LYPD6: variants seen among roughly 807,000 people sequenced by gnomAD.
LYPD6 encodes LY6/PLAUR domain containing 6, also known as ly6/PLAUR domain-containing protein 6.
LYPD6 carries 15 observed loss-of-function variants against 22.7 expected under a neutral mutation model. The observed-to-expected ratio is 0.66, with a 90% CI of 0.44 to 1.02. The LOEUF (loss-of-function observed/expected upper bound fraction) is 1.02. Among genes scored for constraint, LYPD6 ranks in the 50% least tolerant of loss-of-function variants. The pLI is 0.00. For missense variants in LYPD6, 189 were observed against 208.4 expected, an observed-to-expected ratio of 0.91 and a Z score of 0.57; for synonymous variants, 72 against 77.5, an observed-to-expected ratio of 0.93 and a Z score of 0.37.
chr2:149,460,716 A>G (rs146943343), intron 3 of LYPD6, among the ~76,000 whole-genome samples: 3 of 152,248 alleles, frequency 2.0e-5, no homozygotes, highest in Non-Finnish European at 4.4e-5. Context: ...ACACATACCA[A>G]AATAAACTAT....
chr2:149,446,562 A>G (rs1209387225), intron 2 of LYPD6, among the ~76,000 whole-genome samples: 1 of 152,226 alleles, frequency 6.6e-6, no homozygotes, highest in Admixed American at 6.5e-5. Context: ...TCACAATTAT[A>G]TGACATTTTC....
At chr2:149,403,338 G>T (rs1682607680) in intron 1 of LYPD6, among the ~76,000 whole-genome samples, 1 of 150,382 alleles carries the variant, frequency 6.6e-6, no homozygotes, top group Admixed American at 6.6e-5. Flanking sequence ...CTAGTTTACA[G>T]TCCCACCAAC....
intron 3 of LYPD6, chr2:149,464,087 A>G: frequency 2.4e-6 from 1 of 415,064 alleles, no homozygotes; most frequent in South Asian, 1.8e-5. Flanking sequence ...GGGAATCTAC[A>G]GTTATCTCAA....
At chr2:149,378,910 G>A (rs1042490728) in intron 1 of LYPD6, among the ~76,000 whole-genome samples, 5 of 152,092 alleles carry the variant, frequency 3.3e-5, no homozygotes, top group African/African-American at 9.7e-5. Flanking sequence ...GTCCTTGACC[G>A]GAATATAGAT....
intron 3 of LYPD6, among the ~76,000 whole-genome samples, chr2:149,463,490 A>T (rs1197509847): frequency 1.3e-5 from 2 of 152,204 alleles, no homozygotes; most frequent in Non-Finnish European, 2.9e-5. Context: ...TTAAACAACT[A>T]AACATGCAAC....
At chr2:149,335,589 T>C (rs1032974875) in intron 1 of LYPD6, among the ~76,000 whole-genome samples, 2 of 152,144 alleles carry the variant, frequency 1.3e-5, no homozygotes, top group Non-Finnish European at 2.9e-5. Flanking sequence ...AGCCTAAATG[T>C]AGTATTTATA....
chr2:149,432,501 G>A (rs753958432), intron 1 of LYPD6, among the ~76,000 whole-genome samples: 12 of 152,172 alleles, frequency 7.9e-5, no homozygotes, highest in Non-Finnish European at 1.8e-4. Context: ...GCGTAGGGGA[G>A]GGAGGGAGTT....
chr2:149,456,888 T>G (rs770340672), intron 3 of LYPD6, among the ~76,000 whole-genome samples: 2 of 152,238 alleles, frequency 1.3e-5, no homozygotes, highest in Non-Finnish European at 2.9e-5. Flanking sequence ...AGTGGAATCA[T>G]GCAGTATAAC....
rs1322919434 is a variant in LYPD6, at chr2:149,331,140, G to A, written c.-72+418G>A. 2.0e-5 allele frequency among the ~76,000 whole-genome samples: 3 copies of A among 152,298 alleles called. No homozygotes were observed. In the South Asian group the frequency reaches 6.2e-4, roughly 32 times the overall value. On this transcript the variant is annotated intron_variant, in intron 1 of 4. Transcript: ENST00000334166. ...GACTGGCAGCACCCCACATGTTGCT[G>A]CGGGGCGGGGGGCAGTGGCGGTAGC... is the stretch of plus-strand genomic sequence containing the variant.
intron 1 of LYPD6, among the ~76,000 whole-genome samples, chr2:149,352,783 C>A (rs1367892447): frequency 6.6e-6 from 1 of 152,142 alleles, no homozygotes; most frequent in Non-Finnish European, 1.5e-5. Context: ...GTTTGCTGGG[C>A]CCTACATAGG....
chr2:149,468,202 A>G (rs1053194185), intron 3 of LYPD6, among the ~76,000 whole-genome samples: 1 of 145,304 alleles, frequency 6.9e-6, no homozygotes, highest in Non-Finnish European at 1.5e-5. Flanking sequence ...CCACTGCTGT[A>G]GTGTTTTATC....
At chr2:149,428,581 A>G in intron 1 of LYPD6, among the ~76,000 whole-genome samples, 1 of 152,164 alleles carries the variant, frequency 6.6e-6, no homozygotes. Context: ...CACTTGAAAA[A>G]TATTCAGGAA....
At chr2:149,438,754 T>G (rs1353008769) in intron 2 of LYPD6, among the ~76,000 whole-genome samples, 1 of 152,216 alleles carries the variant, frequency 6.6e-6, no homozygotes, top group African/African-American at 2.4e-5. Flanking sequence ...ATCCACGTGG[T>G]TGGAATATTT....
chr2:149,486,064 T>C, the LYPD6 span, among the ~76,000 whole-genome samples: 1 of 152,336 alleles, frequency 6.6e-6, no homozygotes, highest in South Asian at 2.1e-4. Flanking sequence ...CAAAAAGATA[T>C]AGACCTTCAC....
At chr2:149,428,205 A>T (rs1021264157) in intron 1 of LYPD6, among the ~76,000 whole-genome samples, 2 of 152,210 alleles carry the variant, frequency 1.3e-5, no homozygotes, top group Admixed American at 6.5e-5. Flanking sequence ...TGTAAAAAGC[A>T]TATTTATTTA....
downstream of LYPD6, among the ~76,000 whole-genome samples, chr2:149,479,079 A>C (rs1474366121): frequency 6.6e-6 from 1 of 152,058 alleles, no homozygotes; most frequent in Non-Finnish European, 1.5e-5. Context: ...GAATTCACTG[A>C]ATTCACTAAT....
intron 1 of LYPD6, among the ~76,000 whole-genome samples, chr2:149,377,202 C>CTT (rs113079309): frequency 6.9e-6 from 1 of 145,172 alleles, no homozygotes. Context: ...TTCTTTTTTC[C>CTT]TTTTTTTTTT....
intron 1 of LYPD6, among the ~76,000 whole-genome samples, chr2:149,400,013 C>T (rs1682517496): frequency 6.6e-6 from 1 of 152,218 alleles, no homozygotes; most frequent in Non-Finnish European, 1.5e-5. Context: ...TGACAACCCA[C>T]AGATGCAGGG....
intron 1 of LYPD6, among the ~76,000 whole-genome samples, chr2:149,345,946 C>A (rs1360421962): frequency 2.0e-5 from 3 of 152,090 alleles, no homozygotes; most frequent in Non-Finnish European, 4.4e-5. Flanking sequence ...TAAACTCTTC[C>A]ATTTTTAGAG....
Sources: allele counts gnomAD v4.1 joint callset (sites outside exome capture counted in the v4.1 genomes callset), GRCh38; gene constraint gnomAD v4.1.1; transcripts MANE v1.5; gene names NCBI Gene and HGNC (gene_info 2026-07-23, HGNC 2026-07-21).